The following RALYL variants were observed in gnomAD, a reference collection of about 807,000 sequenced individuals.
RALYL encodes RALY RNA binding protein like, also known as RNA-binding Raly-like protein.
RALYL carries 29 observed loss-of-function variants against 35.1 expected under a neutral mutation model. The ratio of observed to expected loss-of-function variants is 0.83; its 90% confidence interval spans 0.61 to 1.13. The LOEUF is 1.13. RALYL is among the 50% of genes most tolerant of loss of function. The pLI, the probability that RALYL is intolerant of heterozygous loss-of-function variation, is 0.00. For synonymous variants in RALYL, 120 were observed against 127.6 expected, an observed-to-expected ratio of 0.94 and a Z score of 0.40; for missense variants, 359 against 360.4, an observed-to-expected ratio of 1.00 and a Z score of 0.03.
intron 1 of RALYL, among the ~76,000 whole-genome samples, chr8:84,222,895 G>T (rs1030484763): frequency 2.6e-5 from 4 of 152,106 alleles, no homozygotes; most frequent in Non-Finnish European, 4.4e-5. Context: ...ATTCTGAAAA[G>T]GTAGCCTTGT....
chr8:84,641,788 TAA>T (rs59556525), intron 2 of RALYL, among the ~76,000 whole-genome samples: 135 of 119,198 alleles, frequency 1.1e-3, no homozygotes, highest in African/African-American at 3.7e-3. Context: ...GTCTTATTTG[TAA>T]AAAAAAAAAA....
intron 2 of RALYL, among the ~76,000 whole-genome samples, chr8:84,567,674 G>GT (rs2135713881): frequency 6.7e-6 from 1 of 149,238 alleles, no homozygotes; most frequent in Admixed American, 6.9e-5. Flanking sequence ...ACGAGTGAAC[G>GT]TTGTTTTTTT....
At chr8:84,769,548 G>A (rs1211439284) in intron 2 of RALYL, among the ~76,000 whole-genome samples, 2 of 152,106 alleles carry the variant, frequency 1.3e-5, no homozygotes, top group African/African-American at 2.4e-5. Flanking sequence ...ATCACTTGAG[G>A]TCAGGAGTTG....
intron 2 of RALYL, among the ~76,000 whole-genome samples, chr8:84,628,381 T>C (rs1462935053): frequency 6.6e-6 from 1 of 152,070 alleles, no homozygotes; most frequent in African/African-American, 2.4e-5. Flanking sequence ...CCAATAGGCA[T>C]GATTGTGTAT....
chr8:84,267,296 T>A (rs191595768), intron 1 of RALYL, among the ~76,000 whole-genome samples: 5 of 152,326 alleles, frequency 3.3e-5, no homozygotes, highest in Admixed American at 2.0e-4. Context: ...ATTAAACATT[T>A]TGATCCCGAT....
intron 5 of RALYL, among the ~76,000 whole-genome samples, chr8:84,852,350 A>ATATTTTATATAT (rs1836028726): frequency 1.3e-5 from 2 of 152,184 alleles, no homozygotes; most frequent in Non-Finnish European, 2.9e-5. Flanking sequence ...TATTTTAAAT[A>ATATTTTATATAT]TTAAGAAACT....
chr8:84,840,559 G>C (rs1269348044), intron 4 of RALYL, among the ~76,000 whole-genome samples: 1 of 152,210 alleles, frequency 6.6e-6, no homozygotes, highest in Non-Finnish European at 1.5e-5. Context: ...TATTATCCAG[G>C]AGAACTTCCC....
At position 84,347,960 on chromosome 8, in the gene RALYL, A is replaced by G. The variant is rs370907206; in HGVS notation, c.-24+163536A>G. Among the ~76,000 whole-genome samples, 165 of 152,180 alleles carry G rather than the reference A, an allele frequency of 1.1e-3. 5 individuals are homozygous for G. In the South Asian group the frequency reaches 0.033, roughly 30 times the overall value. ...GATAGTATTTATAGACAGAAAGGGA[A>G]TTGATGAAAAAAACCCAGCTTGATA... is the stretch of plus-strand genomic sequence containing the variant. On this transcript the variant is annotated intron_variant, in intron 1 of 8. Coordinates refer to ENST00000521268, the MANE Select transcript of RALYL (RefSeq NM_173848.7).
chr8:84,833,655 A>AAG (rs1554612876), intron 4 of RALYL, among the ~76,000 whole-genome samples: 1 of 151,628 alleles, frequency 6.6e-6, no homozygotes, highest in African/African-American at 2.4e-5. Flanking sequence ...AAAAAAAAAA[A>AAG]AAAGAAAGAA....
chr8:84,475,061 G>GC (rs1563998823), intron 1 of RALYL, among the ~76,000 whole-genome samples: 1 of 150,422 alleles, frequency 6.6e-6, no homozygotes, highest in African/African-American at 2.4e-5. Context: ...CCCTCCCCCA[G>GC]CCCCCCACCC....
chr8:84,833,510 C>A (rs1223560865), intron 4 of RALYL, among the ~76,000 whole-genome samples: 1 of 151,742 alleles, frequency 6.6e-6, no homozygotes, highest in Non-Finnish European at 1.5e-5. Flanking sequence ...TAGTGGCACA[C>A]ACCTGTAGTC....
intron 2 of RALYL, among the ~76,000 whole-genome samples, chr8:84,567,666 G>T (rs138337664): frequency 2.6e-4 from 40 of 151,144 alleles, no homozygotes; most frequent in African/African-American, 9.7e-4. Flanking sequence ...ATAAATATAC[G>T]AGTGAACGTT....
At chr8:84,430,830 C>A (rs2047065086) in intron 1 of RALYL, among the ~76,000 whole-genome samples, 1 of 151,814 alleles carries the variant, frequency 6.6e-6, no homozygotes, top group Non-Finnish European at 1.5e-5. Flanking sequence ...GTAATATAAC[C>A]TTCAATAGCA....
chr8:84,327,469 G>T (rs1028254394), intron 1 of RALYL, among the ~76,000 whole-genome samples: 1 of 152,052 alleles, frequency 6.6e-6, no homozygotes. Flanking sequence ...GAATTTCAAC[G>T]TATGGACCAG....
chr8:84,411,357 G>T (rs1052227770), intron 1 of RALYL, among the ~76,000 whole-genome samples: 1 of 151,762 alleles, frequency 6.6e-6, no homozygotes, highest in African/African-American at 2.4e-5. Context: ...TCATTTTCTA[G>T]TGACTCCATT....
rs185639958 is a variant in RALYL at position 84,187,289 on chromosome 8, G to A, written c.-24+2865G>A. Among the ~76,000 whole-genome samples the A allele has an allele frequency of 7.6e-4, 115 of 152,180 alleles. 1 individual carries two copies. Among genetic ancestry groups the A allele is most frequent in the African/African-American group, 2.6e-3 (106 of 41,562 alleles). On this transcript the variant is annotated intron_variant, in intron 1 of 8. Coordinates refer to ENST00000521268, the MANE Select transcript of RALYL (RefSeq NM_173848.7). ...TGGATTACTAAATTAATTTTTCAAT[G>A]TCTATCTCAGTCTTGATATAAAGAA...
intron 1 of RALYL, among the ~76,000 whole-genome samples, chr8:84,237,975 TA>T (rs374231294): frequency 1.5e-4 from 17 of 114,224 alleles, no homozygotes; most frequent in Middle Eastern, 4.7e-3. Flanking sequence ...AATATGAATC[TA>T]AAAAAAAGAA....
chr8:84,773,245 T>G (rs1815984009), intron 2 of RALYL, among the ~76,000 whole-genome samples: 1 of 152,242 alleles, frequency 6.6e-6, no homozygotes, highest in East Asian at 1.9e-4. Flanking sequence ...TTCAAATCCC[T>G]TACTTTCTTG....
intron 2 of RALYL, among the ~76,000 whole-genome samples, chr8:84,709,644 G>A (rs1323244705): frequency 6.6e-6 from 1 of 151,558 alleles, no homozygotes; most frequent in Non-Finnish European, 1.5e-5. Flanking sequence ...CCCGAAGGTT[G>A]AGAATCACTG....
Sources: gnomAD v4.1 joint callset for allele counts (sites outside exome capture counted in the v4.1 genomes callset) on GRCh38, gnomAD v4.1.1 for gene constraint, MANE v1.5 for transcripts, NCBI Gene and HGNC (gene_info 2026-07-23, HGNC 2026-07-21) for gene names.